Variants in STON2 observed in about 807,000 individuals in gnomAD.
The protein encoded by STON2 is stonin-2.
STON2 carries 29 observed loss-of-function variants against 65.7 expected under a neutral mutation model. The ratio of observed to expected loss-of-function variants is 0.44; its 90% CI spans 0.33 to 0.60. The LOEUF (loss-of-function observed/expected upper bound fraction) is 0.60. STON2 is among the 20% of genes least tolerant of loss of function. STON2 has a pLI of 0.03. For missense variants in STON2, 1,054 were observed against 1,118.1 expected, an observed-to-expected ratio of 0.94 and a Z score of 0.82; for synonymous variants, 404 against 414.2, an observed-to-expected ratio of 0.98 and a Z score of 0.30.
chr14:81,420,017 T>C (rs1371742079), intron 2 of STON2, among the ~76,000 whole-genome samples: 1 of 152,168 alleles, frequency 6.6e-6, no homozygotes, highest in Non-Finnish European at 1.5e-5. Flanking sequence ...CTGTCTCTTA[T>C]TCCCCTTTGG....
intron 6 of STON2, among the ~76,000 whole-genome samples, chr14:81,274,568 T>C (rs2140110312): frequency 6.6e-6 from 1 of 152,186 alleles, no homozygotes; most frequent in Middle Eastern, 3.4e-3. Context: ...TCCCCGGTGC[T>C]ACATGTTGTC....
rs777544395 is a variant in STON2 at position 81,267,136 on chromosome 14, G to A, written c.*1278C>T. 7 of 985,148 alleles carry A rather than the reference G, an allele frequency of 7.1e-6. No individual in the cohort carries two copies. Among genetic ancestry groups the A allele is most frequent in the Non-Finnish European group, 8.4e-6 (7 of 829,882 alleles). 61.0% of individuals were successfully genotyped at this position (985,148 alleles called of 1,614,324 possible). ...GTCCCCCGACTTGTATTCTTCATGG[G>A]AGAAAACACTAAGATACAAATAAGA... On this transcript the variant is annotated 3_prime_UTR_variant, in exon 8 of 8. Coordinates refer to ENST00000614646, the MANE Select transcript of STON2 (RefSeq NM_001394390.1).
intron 4 of STON2, among the ~76,000 whole-genome samples, chr14:81,338,288 T>C (rs1456781019): frequency 6.6e-6 from 1 of 152,150 alleles, no homozygotes; most frequent in Non-Finnish European, 1.5e-5. Context: ...AAGGTTGTGT[T>C]GATCACCAAT....
intron 1 of STON2, among the ~76,000 whole-genome samples, chr14:81,435,223 A>G (rs1902370198): frequency 6.6e-6 from 1 of 152,202 alleles, no homozygotes; most frequent in South Asian, 2.1e-4. Flanking sequence ...CCAAAAGGAC[A>G]TGCTACCTTT....
chr14:81,428,692 C>T (rs1237823527), intron 1 of STON2, among the ~76,000 whole-genome samples: 1 of 152,100 alleles, frequency 6.6e-6, no homozygotes, highest in African/African-American at 2.4e-5. Context: ...CACTGCACTC[C>T]AGCCTGGGTG....
At position 81,277,202 on chromosome 14, in the gene STON2, C is replaced by A. The variant is rs140932014; in HGVS notation, c.2280G>T (p.Val760=). The A allele has an allele frequency of 6.2e-7, 1 of 1,614,228 alleles. No homozygotes were observed. ...ATSVNGAEVE[V]QSWLRMSTGF... ...CAGTTGACATCCTCAGCCAGCTCTG[C>A]ACCTCCACCTCTGCCCCATTGACAC... Residue 760 remains valine (V), a synonymous_variant, in exon 6 of 8, where the codon GTG becomes GTT. Coordinates refer to ENST00000614646, the MANE Select transcript of STON2 (RefSeq NM_001394390.1).
In STON2 at chr14:81,398,422, G is replaced by T; in HGVS notation, c.-40C>A. 6.5e-7 allele frequency: 1 copy of T among 1,529,950 alleles called. No homozygotes were observed. Among genetic ancestry groups the T allele is most frequent in the Non-Finnish European group, 9.1e-7 (1 of 1,103,864 alleles). The allele number at this position is 1,529,950 out of a possible 1,614,324, so 94.8% of individuals were successfully genotyped here. ...GGTCATCTTCACACTGCTGACCTCAGGTGAACCCCAGAATACTGTCTGGGG... is the reference window on the plus strand; with the variant it reads ...GGTCATCTTCACACTGCTGACCTCATGTGAACCCCAGAATACTGTCTGGGG... On this transcript the variant is annotated 5_prime_UTR_variant, in exon 2 of 8. In the 5' UTR this introduces an upstream ATG that the reference lacks. Transcript: ENST00000614646.
At chr14:81,301,523 G>A (rs1443404958) in intron 5 of STON2, among the ~76,000 whole-genome samples, 2 of 152,210 alleles carry the variant, frequency 1.3e-5, no homozygotes, top group Non-Finnish European at 2.9e-5. Context: ...AAGAGGAAAT[G>A]ACCAGTAATT....
At chr14:81,383,898 A>T (rs4903982) in intron 3 of STON2, among the ~76,000 whole-genome samples, 1 of 151,978 alleles carries the variant, frequency 6.6e-6, no homozygotes, top group Non-Finnish European at 1.5e-5. Context: ...AAAGTCCTCA[A>T]CATGTCTGCC....
upstream of STON2, among the ~76,000 whole-genome samples, chr14:81,402,452 A>G (rs1383224070): frequency 6.6e-6 from 1 of 152,182 alleles, no homozygotes; most frequent in Admixed American, 6.5e-5. Context: ...TTAGTCACCA[A>G]AAGTAGGACA....
rs200145581 is a variant in STON2 at position 81,308,731 on chromosome 14, CAG to C, written c.742+15284_742+15285del. On this transcript the variant is annotated intron_variant, in intron 5 of 7. Transcript: ENST00000614646. ...AGAATAAAAGAACTGAGGGAGGAAA[CAG>C]AAATTCTCAAGAGACAACCAAATTC... 5.1e-3 allele frequency among the ~76,000 whole-genome samples: 744 copies of C among 146,256 alleles called. 10 individuals carry two copies. Among genetic ancestry groups the C allele is most frequent in the Middle Eastern group, 0.026 (7 of 270 alleles).
At chr14:81,384,907 T>C (rs138752290) in intron 3 of STON2, among the ~76,000 whole-genome samples, 1 of 152,330 alleles carries the variant, frequency 6.6e-6, no homozygotes, top group East Asian at 1.9e-4. Context: ...TCTAACTCCA[T>C]TCTTTTATCT....
chr14:81,308,783 T>C (rs12888148), intron 5 of STON2, among the ~76,000 whole-genome samples: 362 of 18,714 alleles, frequency 0.019, 10 homozygotes, highest in African/African-American at 0.038. Context: ...GTTTTACCCA[T>C]ATATATATAT....
At chr14:81,282,663 TTC>T (rs1293594788) in intron 5 of STON2, among the ~76,000 whole-genome samples, 1 of 152,248 alleles carries the variant, frequency 6.6e-6, no homozygotes, top group African/African-American at 2.4e-5. Context: ...GAAATCTGTA[TTC>T]TTTCTTTCAA....
intron 4 of STON2, among the ~76,000 whole-genome samples, chr14:81,363,280 C>A (rs1414592895): frequency 1.3e-5 from 2 of 152,018 alleles, no homozygotes; most frequent in Non-Finnish European, 2.9e-5. Flanking sequence ...TCCTGGCACA[C>A]AGTAGAAACA....
chr14:81,346,080 G>A (rs916585231), intron 4 of STON2, among the ~76,000 whole-genome samples: 5 of 152,076 alleles, frequency 3.3e-5, no homozygotes, highest in African/African-American at 4.8e-5. Context: ...CCAGTAGCTC[G>A]GTCTCCTGAA....
chr14:81,267,504 C>A lies in STON2; in HGVS notation c.*910G>T. ...GAGGTATAAAAAGAACTCCCAAATG[C>A]CCCTTACAAATGCCTCAGGTATTAT... On this transcript the variant is annotated 3_prime_UTR_variant, in exon 8 of 8. Transcript: ENST00000614646. The A allele has an allele frequency of 3.0e-6, 3 of 985,204 alleles. No homozygotes were observed. The highest frequency in any genetic ancestry group is 3.6e-6 in the Non-Finnish European group (3 of 829,816). The allele number at this position is 985,204 out of a possible 1,614,324, so 61.0% of individuals were successfully genotyped here.
chr14:81,277,145 C>G lies in STON2; in HGVS notation c.2337G>C (p.Gln779His), dbSNP rs759246123. 6.2e-7 allele frequency: 1 copy of G among 1,614,226 alleles called. No homozygotes were observed. ...GFSANRDPLT[Q>H]VPCENVMIRY... ...GGATCATCACATTCTCACAGGGAACCTGAGTGAGGGGGTCACGATTGGCGG... is the reference window on the plus strand; with the variant it reads ...GGATCATCACATTCTCACAGGGAACGTGAGTGAGGGGGTCACGATTGGCGG... Residue 779 changes from glutamine to histidine, a missense_variant, in exon 6 of 8, where the codon CAG (glutamine) becomes CAC (histidine). Gln to His is a conservative substitution (Grantham distance 24). Transcript: ENST00000614646.
chr14:81,410,389 ATAC>A (rs1323436677), intron 2 of STON2, among the ~76,000 whole-genome samples: 1 of 151,130 alleles, frequency 6.6e-6, no homozygotes, highest in Non-Finnish European at 1.5e-5. Flanking sequence ...TAGTTATGTT[ATAC>A]TGCATGGCAA....
Sources: gnomAD v4.1 joint callset for allele counts (sites outside exome capture counted in the v4.1 genomes callset) on GRCh38, gnomAD v4.1.1 for gene constraint, MANE v1.5 for transcripts, NCBI Gene and HGNC (gene_info 2026-07-23, HGNC 2026-07-21) for gene names.